The following NBEA variants were observed in gnomAD, a reference collection of about 807,000 sequenced individuals.
NBEA encodes the protein lysosomal-trafficking regulator 2.
NBEA carries 44 observed loss-of-function variants against 343.4 expected under a neutral mutation model. The ratio of observed to expected loss-of-function variants is 0.13; its 90% CI spans 0.10 to 0.16. The LOEUF (loss-of-function observed/expected upper bound fraction) is 0.16. NBEA is among the 10% of genes least tolerant of loss of function. The pLI, the probability that NBEA is intolerant of heterozygous loss-of-function variation, is 1.00. For missense variants in NBEA, 2,555 were observed against 3,631.3 expected (o/e 0.70, Z 7.62); for synonymous variants, 1,175 against 1,238.7 (o/e 0.95, Z 1.08).
intron 34 of NBEA, among the ~76,000 whole-genome samples, chr13:35,243,179 G>A (rs765578282): frequency 5.3e-5 from 8 of 151,736 alleles, no homozygotes; most frequent in Non-Finnish European, 8.9e-5. Flanking sequence ...TTTTATATGC[G>A]ATTGAAGTTA....
intron 10 of NBEA, among the ~76,000 whole-genome samples, chr13:35,082,335 G>T (rs1593281514): frequency 6.6e-6 from 1 of 152,212 alleles, no homozygotes; most frequent in East Asian, 1.9e-4. Context: ...CATTTGGGTT[G>T]GTTCCAAGTC....
intron 41 of NBEA, among the ~76,000 whole-genome samples, chr13:35,507,077 G>A (rs963035260): frequency 6.6e-6 from 1 of 151,992 alleles, no homozygotes; most frequent in South Asian, 2.1e-4. Flanking sequence ...CTCTGAAAAT[G>A]CTTTTGTTAA....
chr13:35,304,909 A>G (rs963529702), intron 35 of NBEA, among the ~76,000 whole-genome samples: 5 of 152,034 alleles, frequency 3.3e-5, no homozygotes, highest in Non-Finnish European at 7.4e-5. Flanking sequence ...TTGAAATAAC[A>G]CTGTTATACT....
At chr13:35,114,632 G>C (rs1000966776) in intron 13 of NBEA, among the ~76,000 whole-genome samples, 7 of 152,000 alleles carry the variant, frequency 4.6e-5, no homozygotes, top group Non-Finnish European at 8.8e-5. Context: ...CAGGGCCTCT[G>C]CTCCCTCCAT....
intron 34 of NBEA, among the ~76,000 whole-genome samples, chr13:35,234,032 A>C (rs1256385162): frequency 6.6e-6 from 1 of 152,166 alleles, no homozygotes; most frequent in East Asian, 1.9e-4. Flanking sequence ...TAGTCAGTAC[A>C]TTGGCCCTAA....
At chr13:35,341,925 T>C (rs973824160) in intron 36 of NBEA, among the ~76,000 whole-genome samples, 20 of 152,092 alleles carry the variant, frequency 1.3e-4, no homozygotes, top group African/African-American at 4.6e-4. Context: ...CTATTCATAA[T>C]AGCATAATTC....
At chr13:35,173,328 T>G in intron 26 of NBEA, 136 bp from the exon 27 acceptor site, 1 of 700,660 alleles carries the variant, frequency 1.4e-6, no homozygotes, top group Non-Finnish European at 2.2e-6. Flanking sequence ...TGAAAATTAT[T>G]GATCTAGTTG....
chr13:35,077,374 T>A (rs1350291593), intron 10 of NBEA, among the ~76,000 whole-genome samples: 1 of 152,056 alleles, frequency 6.6e-6, no homozygotes, highest in Non-Finnish European at 1.5e-5. Flanking sequence ...TCTACCCAAT[T>A]TCTATTGCTT....
At chr13:35,441,180 C>T (rs1188622140) in intron 39 of NBEA, among the ~76,000 whole-genome samples, 4 of 152,148 alleles carry the variant, frequency 2.6e-5, no homozygotes, top group Non-Finnish European at 4.4e-5. Context: ...CATCATCTCA[C>T]ACTTTTAAAG....
intron 31 of NBEA, among the ~76,000 whole-genome samples, chr13:35,201,062 C>G (rs944334264): frequency 6.6e-6 from 1 of 151,816 alleles, no homozygotes; most frequent in Admixed American, 6.6e-5. Flanking sequence ...AACAAATAAA[C>G]GTAAGCCAAA....
chr13:35,417,716 A>T (rs1007743761), intron 38 of NBEA, among the ~76,000 whole-genome samples: 1 of 152,142 alleles, frequency 6.6e-6, no homozygotes, highest in Non-Finnish European at 1.5e-5. Context: ...TATTCTGTTG[A>T]TGTGGGGTGG....
intron 55 of NBEA, among the ~76,000 whole-genome samples, chr13:35,658,680 A>C (rs1593497050): frequency 6.6e-6 from 1 of 152,226 alleles, no homozygotes; most frequent in East Asian, 1.9e-4. Flanking sequence ...AAGGATTCGT[A>C]AAATGCTTAA....
chr13:35,453,477 G>A (rs1230500829), intron 40 of NBEA, among the ~76,000 whole-genome samples: 2 of 152,116 alleles, frequency 1.3e-5, no homozygotes, highest in East Asian at 3.8e-4. Flanking sequence ...TTTATATGAG[G>A]CCATTTGGAA....
At chr13:35,106,548 G>A (rs2065927785) in intron 11 of NBEA, among the ~76,000 whole-genome samples, 1 of 151,776 alleles carries the variant, frequency 6.6e-6, no homozygotes, top group African/African-American at 2.4e-5. Context: ...AATAATACAA[G>A]GAGGAAAGAT....
intron 43 of NBEA, among the ~76,000 whole-genome samples, chr13:35,552,811 CTTTTA>C (rs1406585548): frequency 7.2e-5 from 11 of 152,190 alleles, no homozygotes; most frequent in African/African-American, 2.6e-4. Flanking sequence ...ATCAGAAGCT[CTTTTA>C]TTTTATTTCT....
At chr13:35,602,583 C>T (rs2082102847) in intron 47 of NBEA, among the ~76,000 whole-genome samples, 1 of 152,152 alleles carries the variant, frequency 6.6e-6, no homozygotes, top group Non-Finnish European at 1.5e-5. Flanking sequence ...TGATTGTTTC[C>T]ATTATGAGAA....
chr13:35,044,826 A>ATG (rs2062787733), intron 2 of NBEA, 121 bp from the exon 3 acceptor site: 1 of 520,500 alleles, frequency 1.9e-6, no homozygotes, highest in Non-Finnish European at 3.4e-6. Context: ...ATATATATAT[A>ATG]TATAGAGAGA....
intron 1 of NBEA, among the ~76,000 whole-genome samples, chr13:35,038,402 C>CT (rs777555394): frequency 6.6e-6 from 1 of 152,094 alleles, no homozygotes; most frequent in East Asian, 1.9e-4. Flanking sequence ...ACAAAGTCCC[C>CT]TTTACTCTTC....
intron 1 of NBEA, among the ~76,000 whole-genome samples, chr13:35,027,164 A>T (rs553770631): frequency 6.6e-6 from 1 of 152,042 alleles, no homozygotes; most frequent in South Asian, 2.1e-4. Context: ...GAGGGCATCT[A>T]GTTGTTTCTA....
Sources: gnomAD v4.1 joint callset for allele counts (sites outside exome capture counted in the v4.1 genomes callset) on GRCh38, gnomAD v4.1.1 for gene constraint, MANE v1.5 for transcripts, NCBI Gene and HGNC (gene_info 2026-07-23, HGNC 2026-07-21) for gene names.